Variants in CRACD observed in about 807,000 individuals in gnomAD.
CRACD encodes capping protein-inhibiting regulator of actin dynamics.
CRACD carries 56 observed loss-of-function variants against 106.8 expected under a neutral mutation model. That is an observed-to-expected ratio of 0.52 (90% CI 0.42 to 0.66). The LOEUF is 0.66. CRACD is among the 30% of genes least tolerant of loss of function. CRACD has a pLI of 0.00. For synonymous variants in CRACD, 754 were observed against 670.8 expected, an observed-to-expected ratio of 1.12 and a Z score of -1.92; for missense variants, 1,730 against 1,623.2, an observed-to-expected ratio of 1.07 and a Z score of -1.13.
chr4:56,053,126 G>T (rs369155125), intron 1 of CRACD, among the ~76,000 whole-genome samples: 113 of 152,314 alleles, frequency 7.4e-4, no homozygotes, highest in African/African-American at 2.6e-3. Context: ...TGAAATAGCT[G>T]TGTAACTATA....
intron 1 of CRACD, among the ~76,000 whole-genome samples, chr4:56,067,678 C>T (rs1560440963): frequency 6.6e-6 from 1 of 152,142 alleles, no homozygotes; most frequent in Admixed American, 6.6e-5. Context: ...CGGGTTCAAG[C>T]GATTCTCCTG....
chr4:56,200,376 C>G (rs1205190649), intron 2 of CRACD, among the ~76,000 whole-genome samples: 2 of 152,166 alleles, frequency 1.3e-5, no homozygotes, highest in Admixed American at 1.3e-4. Context: ...ATGGACATCT[C>G]TAACTATGCT....
chr4:56,187,123 A>G (rs1737124247), intron 2 of CRACD, among the ~76,000 whole-genome samples: 1 of 152,090 alleles, frequency 6.6e-6, no homozygotes, highest in Non-Finnish European at 1.5e-5. Flanking sequence ...CTTTGAATCT[A>G]GCATTGCCCT....
At chr4:56,238,624 G>A (rs569872527) in intron 2 of CRACD, among the ~76,000 whole-genome samples, 186 of 152,222 alleles carry the variant, frequency 1.2e-3, no homozygotes, top group African/African-American at 3.1e-3. Context: ...AATCTGCCAC[G>A]TCATTTTAGG....
chr4:56,269,105 G>A (rs776509834), intron 2 of CRACD, among the ~76,000 whole-genome samples: 11 of 152,120 alleles, frequency 7.2e-5, no homozygotes, highest in African/African-American at 1.4e-4. Context: ...AGAGGTGGCC[G>A]GGCATGGTGG....
At chr4:56,152,362 G>C (rs936310102) in intron 1 of CRACD, among the ~76,000 whole-genome samples, 7 of 151,740 alleles carry the variant, frequency 4.6e-5, no homozygotes, top group African/African-American at 1.5e-4. Flanking sequence ...GGCCATGTGT[G>C]GTGGCTCACT....
intron 2 of CRACD, among the ~76,000 whole-genome samples, chr4:56,223,981 A>T (rs1484060734): frequency 6.6e-6 from 1 of 152,020 alleles, no homozygotes. Flanking sequence ...CTGGTCTTGG[A>T]TTCCTGGCCT....
chr4:56,091,609 T>C (rs1733427658), intron 1 of CRACD, among the ~76,000 whole-genome samples: 1 of 152,162 alleles, frequency 6.6e-6, no homozygotes, highest in Non-Finnish European at 1.5e-5. Context: ...AAAGGGATGA[T>C]CCTGCACTGG....
At chr4:56,107,073 C>A (rs1013673205) in intron 1 of CRACD, among the ~76,000 whole-genome samples, 1 of 152,136 alleles carries the variant, frequency 6.6e-6, no homozygotes, top group Admixed American at 6.5e-5. Context: ...TTGACCCAAG[C>A]GATCCTCCCC....
intron 10 of CRACD, among the ~76,000 whole-genome samples, chr4:56,325,790 T>C (rs1746403814): frequency 6.6e-6 from 1 of 152,220 alleles, no homozygotes; most frequent in African/African-American, 2.4e-5. Context: ...GTCTAATCTC[T>C]AGACCCAGGC....
chr4:56,232,408 A>G (rs1174864772), intron 2 of CRACD, among the ~76,000 whole-genome samples: 1 of 152,068 alleles, frequency 6.6e-6, no homozygotes, highest in South Asian at 2.1e-4. Flanking sequence ...CTTGATGGAT[A>G]TTTGGATTGT....
At chr4:56,323,233 C>A in intron 8 of CRACD, 144 bp from the exon 9 acceptor site, 1 of 610,196 alleles carries the variant, frequency 1.6e-6, no homozygotes, top group Non-Finnish European at 2.8e-6. Context: ...GCCACTCAGG[C>A]ATCAGCACAG....
rs200329151 is a variant in CRACD at position 56,313,294 on chromosome 4, G to T, written c.452G>T (p.Arg151Leu). 1.9e-6 allele frequency: 3 copies of T among 1,614,200 alleles called. No individual in the cohort carries two copies. The highest frequency in any genetic ancestry group is 1.7e-5 in the Admixed American group (1 of 60,024). Reference sequence around the variant, plus strand: ...GATGCCATCCCCCTGGCCATCGCTCGCCTGGACAACAGTGCCGCCAAGCAC... The same window carrying T: ...GATGCCATCCCCCTGGCCATCGCTCTCCTGGACAACAGTGCCGCCAAGCAC... The part of the protein sequence containing the change: ...NLDAIPLAIA[R>L]LDNSAAKHKL... The change falls in exon 7 of 11, where the codon CGC becomes CTC. Residue 151 changes from arginine to leucine, a missense_variant. This residue lies in a region of CRACD where 1,620 missense variants were observed against 1,481.6 expected (regional missense o/e 1.09). Coordinates refer to ENST00000682029, the MANE Select transcript of CRACD (RefSeq NM_001393381.1).
intron 2 of CRACD, among the ~76,000 whole-genome samples, chr4:56,232,679 A>G (rs528853073): frequency 4.5e-4 from 68 of 151,154 alleles, no homozygotes; most frequent in African/African-American, 1.6e-3. Context: ...GGTGCTTAGC[A>G]CTATAGTTTA....
rs1735283877 is a variant in CRACD, at chr4:56,143,740, T to G, written c.-335-35544T>G. Among the ~76,000 whole-genome samples, 4 of 152,172 alleles carry G rather than the reference T, an allele frequency of 2.6e-5. No homozygotes were observed. The South Asian group carries it at 8.3e-4, about 32-fold the overall frequency. On this transcript the variant is annotated intron_variant, in intron 1 of 10. Transcript: ENST00000682029. ...CTACAGTTTTATTGTGGGTGCTATGTTTTTCATCTTTATTGTCAATGTTAT... is the reference window on the plus strand; with the variant it reads ...CTACAGTTTTATTGTGGGTGCTATGGTTTTCATCTTTATTGTCAATGTTAT...
intron 2 of CRACD, among the ~76,000 whole-genome samples, chr4:56,198,590 G>A (rs888843193): frequency 6.6e-6 from 1 of 152,152 alleles, no homozygotes. Flanking sequence ...CTCTATGTAT[G>A]AGAGTTTTAT....
Position 56,329,065 on chromosome 4 carries a change from A to C in CRACD, c.*1261A>C, listed in dbSNP as rs1314283086. ...GCATTCACCTTGCTACCTTTAAAAA[A>C]CATCTGAGTTTTAAGTGGCCTTTTT... On this transcript the variant is annotated 3_prime_UTR_variant, in exon 11 of 11. Coordinates refer to ENST00000682029, the MANE Select transcript of CRACD (RefSeq NM_001393381.1). Among the ~76,000 whole-genome samples, 1 of 152,216 alleles carries C rather than the reference A, an allele frequency of 6.6e-6. No homozygotes were observed. The highest frequency in any genetic ancestry group is 1.5e-5 in the Non-Finnish European group (1 of 68,040).
chr4:56,178,636 A>G (rs1409095527), intron 1 of CRACD, among the ~76,000 whole-genome samples: 1 of 152,214 alleles, frequency 6.6e-6, no homozygotes, highest in East Asian at 1.9e-4. Flanking sequence ...ACCCTTGTCC[A>G]TCCTGAGATT....
At chr4:56,269,639 C>T (rs532716127) in intron 2 of CRACD, among the ~76,000 whole-genome samples, 1 of 150,386 alleles carries the variant, frequency 6.6e-6, no homozygotes, top group South Asian at 2.1e-4. Flanking sequence ...GATCTCTGCT[C>T]ACTACAGCCT....
Sources: allele counts gnomAD v4.1 joint callset (sites outside exome capture counted in the v4.1 genomes callset), GRCh38; gene constraint gnomAD v4.1.1; regional missense constraint gnomAD v4.1.1; transcripts MANE v1.5; gene names NCBI Gene and HGNC (gene_info 2026-07-23, HGNC 2026-07-21).